NRXN3: variants seen among roughly 807,000 people sequenced by gnomAD.
The protein encoded by NRXN3 is neurexin 3, also known as neurexin III.
NRXN3 carries 32 observed loss-of-function variants against 137.6 expected under a neutral mutation model. The observed-to-expected ratio is 0.23, with a 90% CI of 0.18 to 0.31. NRXN3 has a LOEUF of 0.31. NRXN3 is among the 10% of genes least tolerant of loss of function. The pLI is 1.00. For missense variants in NRXN3, 1,574 were observed against 2,062.5 expected (o/e 0.76, Z 4.59); for synonymous variants, 798 against 784.5 (o/e 1.02, Z -0.29).
intron 15 of NRXN3, among the ~76,000 whole-genome samples, chr14:79,294,665 C>T (rs1170179337): frequency 6.6e-6 from 1 of 152,106 alleles, no homozygotes; most frequent in Non-Finnish European, 1.5e-5. Context: ...GAATCTTGTA[C>T]AGAATTTCTG....
At chr14:78,651,986 A>G (rs542844533) in intron 6 of NRXN3, among the ~76,000 whole-genome samples, 14 of 152,360 alleles carry the variant, frequency 9.2e-5, no homozygotes, top group African/African-American at 3.4e-4. Context: ...TATAAATTAA[A>G]TGCAGTCACA....
intron 8 of NRXN3, among the ~76,000 whole-genome samples, chr14:78,767,209 T>A (rs924257887): frequency 5.9e-5 from 9 of 152,200 alleles, no homozygotes; most frequent in African/African-American, 2.2e-4. Flanking sequence ...TTCCCTGAAG[T>A]TGTAAGACTG....
intron 4 of NRXN3, among the ~76,000 whole-genome samples, chr14:78,428,209 C>G (rs544430084): frequency 6.6e-6 from 1 of 152,124 alleles, no homozygotes; most frequent in Non-Finnish European, 1.5e-5. Flanking sequence ...ATAAAAGAAT[C>G]AAGAATAATA....
intron 16 of NRXN3, among the ~76,000 whole-genome samples, chr14:79,614,120 A>G (rs1371090475): frequency 6.6e-6 from 1 of 152,234 alleles, no homozygotes; most frequent in East Asian, 1.9e-4. Context: ...TGTCACTCTT[A>G]AAATCTGAGA....
intron 10 of NRXN3, among the ~76,000 whole-genome samples, chr14:78,814,497 C>T (rs187607456): frequency 2.3e-4 from 35 of 152,304 alleles, no homozygotes; most frequent in African/African-American, 7.9e-4. Context: ...CACCTGTAGT[C>T]CCAGCTACTC....
chr14:79,598,370 T>C (rs2153831065), intron 16 of NRXN3, among the ~76,000 whole-genome samples: 1 of 152,282 alleles, frequency 6.6e-6, no homozygotes, highest in East Asian at 1.9e-4. Flanking sequence ...AATTTTCCCC[T>C]GAACATTCCT....
intron 17 of NRXN3, among the ~76,000 whole-genome samples, chr14:79,664,301 T>TC (rs918833440): frequency 1.3e-5 from 2 of 152,194 alleles, no homozygotes; most frequent in East Asian, 1.9e-4. Flanking sequence ...CATAAGATGC[T>TC]CCATTTGAGA....
At chr14:79,454,677 A>C (rs1485912356) in intron 15 of NRXN3, among the ~76,000 whole-genome samples, 1 of 152,180 alleles carries the variant, frequency 6.6e-6, no homozygotes, top group Non-Finnish European at 1.5e-5. Context: ...AAGGCTATAT[A>C]ATTTTGCCAT....
intron 4 of NRXN3, among the ~76,000 whole-genome samples, chr14:78,376,237 G>A (rs966926888): frequency 1.3e-5 from 2 of 152,148 alleles, no homozygotes; most frequent in African/African-American, 4.8e-5. Context: ...GATGCAGGAT[G>A]GGTATAAAGC....
chr14:79,173,273 T>C (rs910807924), intron 15 of NRXN3, among the ~76,000 whole-genome samples: 2 of 152,032 alleles, frequency 1.3e-5, no homozygotes, highest in Non-Finnish European at 2.9e-5. Context: ...CTCAATCCTG[T>C]AATCTCAGCA....
At chr14:79,817,736 A>G (rs562494059) in intron 20 of NRXN3, among the ~76,000 whole-genome samples, 2 of 152,256 alleles carry the variant, frequency 1.3e-5, no homozygotes, top group South Asian at 4.1e-4. Flanking sequence ...CTTATTTTCC[A>G]TTAACCTAAA....
In NRXN3 at chr14:79,685,933, T is replaced by A. The variant is rs556508845; in HGVS notation, c.3617-6240T>A. ...ATAGGGGCATGAACATTCGGATAGC[T>A]GGACGTAATACACCAGGGTTACATC... On this transcript the variant is annotated intron_variant, in intron 17 of 20. Transcript: ENST00000335750. 3.3e-5 allele frequency among the ~76,000 whole-genome samples: 5 copies of A among 152,316 alleles called. No homozygotes were observed. In the East Asian group the frequency reaches 9.7e-4, roughly 29 times the overall value.
chr14:78,375,117 C>A (rs1440031278), intron 4 of NRXN3, among the ~76,000 whole-genome samples: 3 of 152,216 alleles, frequency 2.0e-5, no homozygotes, highest in Non-Finnish European at 2.9e-5. Flanking sequence ...GGACTCCAAC[C>A]TTTTGATAGA....
chr14:79,389,433 G>A (rs2094763256), intron 15 of NRXN3, among the ~76,000 whole-genome samples: 1 of 152,186 alleles, frequency 6.6e-6, no homozygotes, highest in African/African-American at 2.4e-5. Context: ...CAGAGCCCTT[G>A]TGACCTAGTC....
At chr14:79,231,452 C>T (rs1180542711) in intron 15 of NRXN3, among the ~76,000 whole-genome samples, 2 of 152,098 alleles carry the variant, frequency 1.3e-5, no homozygotes, top group Admixed American at 6.6e-5. Flanking sequence ...CCTTCCCATC[C>T]CCCACCTCAC....
At position 78,450,802 on chromosome 14, in the gene NRXN3, G is replaced by T. The variant is rs1042421354; in HGVS notation, c.757+152942G>T. Reference sequence around the variant, plus strand: ...GATCTATTTGGAAGTGCAATTGCCTGGAATTACATGGTGGCGCGAGAGGTT... The same window carrying T: ...GATCTATTTGGAAGTGCAATTGCCTTGAATTACATGGTGGCGCGAGAGGTT... On this transcript the variant is annotated intron_variant, in intron 4 of 20. Transcript: ENST00000335750. Among the ~76,000 whole-genome samples the T allele has an allele frequency of 4.6e-5, 7 of 152,164 alleles. No individual in the cohort carries two copies. The East Asian group carries it at 9.6e-4, about 21-fold the overall frequency.
intron 15 of NRXN3, among the ~76,000 whole-genome samples, chr14:79,007,675 G>A (rs1201380117): frequency 6.6e-6 from 1 of 151,432 alleles, no homozygotes; most frequent in East Asian, 2.0e-4. Context: ...GTGTGGTGGT[G>A]GGCATCTATA....
intron 4 of NRXN3, among the ~76,000 whole-genome samples, chr14:78,385,691 A>C (rs2089871420): frequency 1.3e-5 from 2 of 152,234 alleles, no homozygotes; most frequent in Admixed American, 1.3e-4. Context: ...GGCTTAGTGC[A>C]GATGTTTAAA....
intron 15 of NRXN3, among the ~76,000 whole-genome samples, chr14:79,365,905 G>A (rs1599238678): frequency 1.3e-5 from 2 of 152,048 alleles, no homozygotes; most frequent in Middle Eastern, 3.4e-3. Context: ...AAGAGGTTAA[G>A]ATCAGACCGC....
Sources: allele counts gnomAD v4.1 joint callset (sites outside exome capture counted in the v4.1 genomes callset), GRCh38; gene constraint gnomAD v4.1.1; transcripts MANE v1.5; gene names NCBI Gene and HGNC (gene_info 2026-07-23, HGNC 2026-07-21).